Variants in BAZ1A observed in about 807,000 individuals in gnomAD.
BAZ1A encodes bromodomain adjacent to zinc finger domain protein 1A.
BAZ1A carries 50 observed loss-of-function variants against 185.2 expected under a neutral mutation model. That is an observed-to-expected ratio of 0.27 (90% CI 0.22 to 0.34). BAZ1A has a LOEUF of 0.34. Ranked by LOEUF, BAZ1A falls within the 10% of genes least tolerant of loss-of-function variation. The probability of loss-of-function intolerance (pLI) is 1.00; values close to 1 mark genes in which losing one functional copy is unlikely to be tolerated. For synonymous variants in BAZ1A, 571 were observed against 615.6 expected (o/e 0.93, Z 1.07); for missense variants, 1,356 against 1,839.9 (o/e 0.74, Z 4.81).
chr14:34,777,846 C>T (rs1393775546), intron 17 of BAZ1A, among the ~76,000 whole-genome samples: 1 of 151,866 alleles, frequency 6.6e-6, no homozygotes, highest in Non-Finnish European at 1.5e-5. Context: ...CAAAAATCAG[C>T]CAGGTGTGGT....
At chr14:34,758,506 G>C in intron 25 of BAZ1A, 198 bp downstream of exon 25, 1 of 461,748 alleles carries the variant, frequency 2.2e-6, no homozygotes, top group Non-Finnish European at 3.8e-6. Context: ...CTTGAACCTG[G>C]GAGGCAGAGC....
chr14:34,815,722 A>T (rs145227495), intron 4 of BAZ1A, among the ~76,000 whole-genome samples: 49 of 152,314 alleles, frequency 3.2e-4, no homozygotes, highest in African/African-American at 1.0e-3. Flanking sequence ...AAAATTAAAC[A>T]ATTTTCTGTA....
intron 11 of BAZ1A, 55 bp from the exon 12 acceptor site, chr14:34,792,976 C>A (rs1880948572): frequency 2.0e-6 from 3 of 1,487,096 alleles, no homozygotes; most frequent in African/African-American, 2.8e-5. Flanking sequence ...ACTGAAAAAA[C>A]AACTCCACTG....
At chr14:34,764,289 CTTTTTTTTTTTTT>C (rs34861206) in intron 23 of BAZ1A, among the ~76,000 whole-genome samples, 2 of 111,862 alleles carry the variant, frequency 1.8e-5, no homozygotes, top group Middle Eastern at 5.1e-3. Context: ...TTTTTCTTTT[CTTTTTTTTTTTTT>C]TTTTTTGAGA....
At chr14:34,753,863 A>C (rs1352382393) in intron 26 of BAZ1A, among the ~76,000 whole-genome samples, 159 bp from the exon 27 acceptor site, 1 of 152,038 alleles carries the variant, frequency 6.6e-6, no homozygotes, top group Non-Finnish European at 1.5e-5. Flanking sequence ...TCACATCTGT[A>C]ATCTCAGCAC....
chr14:34,840,027 T>C (rs1458010748), intron 3 of BAZ1A, among the ~76,000 whole-genome samples: 5 of 152,170 alleles, frequency 3.3e-5, no homozygotes, highest in Non-Finnish European at 7.3e-5. Context: ...AGCAAAGTTT[T>C]ATTAGTTTAA....
chr14:34,784,455 G>A (rs1192447369), intron 14 of BAZ1A, among the ~76,000 whole-genome samples: 1 of 146,346 alleles, frequency 6.8e-6, no homozygotes, highest in Non-Finnish European at 1.5e-5. Context: ...TGTCTATCTT[G>A]TATACTAGTT....
intron 24 of BAZ1A, among the ~76,000 whole-genome samples, chr14:34,759,973 C>T (rs1347777091): frequency 6.6e-6 from 1 of 152,168 alleles, no homozygotes; most frequent in African/African-American, 2.4e-5. Flanking sequence ...CTGCACTTGG[C>T]CACAGATCTT....
At position 34,810,969 on chromosome 14, in the gene BAZ1A, G is replaced by T. The variant is rs367749190; in HGVS notation, c.604C>A (p.His202Asn). 3 of 1,609,984 alleles carry T rather than the reference G, an allele frequency of 1.9e-6. No homozygotes were observed. The highest frequency in any genetic ancestry group is 1.3e-5 in the African/African-American group (1 of 74,942). Residue 202 changes from histidine to asparagine, a missense_variant, in exon 5 of 27, where the codon CAT becomes AAT. His to Asn is a moderately conservative substitution (Grantham distance 68). Coordinates refer to ENST00000360310, the MANE Select transcript of BAZ1A (RefSeq NM_013448.3). ...YKVQPTKKELHESAIVKATQI... is the reference protein window; with the variant it reads ...YKVQPTKKELNESAIVKATQI... ...GTTGCTTTAACAATAGCAGACTCAT[G>T]TAATTCTTTTTTAGTGGGTTGCACT...
intron 17 of BAZ1A, among the ~76,000 whole-genome samples, chr14:34,777,771 C>T (rs1207929872): frequency 6.6e-6 from 1 of 152,016 alleles, no homozygotes; most frequent in Non-Finnish European, 1.5e-5. Context: ...GTGGCTGGAT[C>T]ACTTGAGGCC....
intron 9 of BAZ1A, among the ~76,000 whole-genome samples, chr14:34,799,662 C>T (rs1471748718): frequency 1.3e-5 from 2 of 151,546 alleles, no homozygotes; most frequent in Non-Finnish European, 2.9e-5. Flanking sequence ...CCCAGGCTGG[C>T]GTGCAGTGGC....
At chr14:34,789,496 A>C (rs1486800892) in intron 12 of BAZ1A, among the ~76,000 whole-genome samples, 1 of 152,256 alleles carries the variant, frequency 6.6e-6, no homozygotes, top group African/African-American at 2.4e-5. Context: ...AATTATATCC[A>C]GTATTTTATG....
chr14:34,824,042 G>A (rs180971348), intron 4 of BAZ1A, among the ~76,000 whole-genome samples: 121 of 151,880 alleles, frequency 8.0e-4, no homozygotes, highest in African/African-American at 2.8e-3. Flanking sequence ...TGGAAGACAT[G>A]GACAAGTAAT....
At chr14:34,852,002 C>T (rs1025663670) in intron 3 of BAZ1A, among the ~76,000 whole-genome samples, 19 of 152,064 alleles carry the variant, frequency 1.2e-4, no homozygotes, top group Non-Finnish European at 2.4e-4. Context: ...TGGCGGGTGC[C>T]TGTAGTCCCA....
intron 2 of BAZ1A, among the ~76,000 whole-genome samples, chr14:34,863,520 C>G (rs2042806075): frequency 6.6e-6 from 1 of 151,740 alleles, no homozygotes; most frequent in Admixed American, 6.6e-5. Flanking sequence ...GTTGGCCAGG[C>G]TGGTCTCGAA....
chr14:34,764,182 G>T (rs948081570), intron 23 of BAZ1A, among the ~76,000 whole-genome samples: 10 of 151,634 alleles, frequency 6.6e-5, no homozygotes, highest in Admixed American at 5.9e-4. Context: ...CTCTCTCTCA[G>T]ATTCCCCAAA....
chr14:34,783,988 C>A, intron 14 of BAZ1A, 61 bp from the exon 15 acceptor site: 1 of 1,434,180 alleles, frequency 7.0e-7, no homozygotes, highest in Non-Finnish European at 9.3e-7. Context: ...TGTGTTTGAA[C>A]TTTTTAAATT....
intron 3 of BAZ1A, among the ~76,000 whole-genome samples, chr14:34,836,835 G>C (rs2042338764): frequency 6.6e-6 from 1 of 151,958 alleles, no homozygotes; most frequent in Non-Finnish European, 1.5e-5. Context: ...TGTGAATTAT[G>C]TCAATTACTT....
intron 3 of BAZ1A, chr14:34,845,284 T>TC (rs2042491940): frequency 6.6e-6 from 1 of 151,068 alleles, no homozygotes; most frequent in Non-Finnish European, 1.5e-5. Flanking sequence ...CTTTTTTTTT[T>TC]TTTTTGGAGG....
Sources: gnomAD v4.1 joint callset for allele counts (sites outside exome capture counted in the v4.1 genomes callset) on GRCh38, gnomAD v4.1.1 for gene constraint, MANE v1.5 for transcripts, NCBI Gene and HGNC (gene_info 2026-07-23, HGNC 2026-07-21) for gene names.